PTPN13: variants seen among roughly 807,000 people sequenced by gnomAD.
The protein encoded by PTPN13 is tyrosine-protein phosphatase non-receptor type 13.
A neutral mutation model predicts 284.0 loss-of-function variants in PTPN13; 191 were observed. The observed-to-expected ratio is 0.67, with a 90% CI of 0.60 to 0.76. PTPN13 has a LOEUF of 0.76. PTPN13 is among the 30% of genes least tolerant of loss of function. The probability of loss-of-function intolerance (pLI) is 0.00; values close to 1 mark genes in which losing one functional copy is unlikely to be tolerated. For synonymous variants in PTPN13, 986 were observed against 1,022.3 expected (o/e 0.96, Z 0.68); for missense variants, 2,797 against 2,939.9 (o/e 0.95, Z 1.12).
intron 15 of PTPN13, among the ~76,000 whole-genome samples, chr4:86,739,454 C>G (rs1735908580): frequency 6.6e-6 from 1 of 152,088 alleles, no homozygotes; most frequent in African/African-American, 2.4e-5. Flanking sequence ...AGGGAAACTC[C>G]CCTCCTTAAA....
chr4:86,767,863 A>G lies in PTPN13; in HGVS notation c.4376A>G (p.Glu1459Gly). 1.9e-6 allele frequency: 3 copies of G among 1,604,020 alleles called. No individual in the cohort carries two copies. Among genetic ancestry groups the G allele is most frequent in the Non-Finnish European group, 2.6e-6 (3 of 1,174,376 alleles). Residue 1459 changes from glutamate (E) to glycine (G), a missense_variant, in exon 28 of 48, where the codon GAA becomes GGA. Transcript: ENST00000411767. ...AAGGGACAATCTCCAACATCTAAAG[A>G]ACATGTCCCGGTAACCCCACAGTGT... The part of the protein sequence containing the change: ...LEKGQSPTSK[E>G]HVPVTPQCTL...
chr4:86,790,989 CGTT>C lies in PTPN13; in HGVS notation c.6345+5055_6345+5057del, dbSNP rs538721474. Among the ~76,000 whole-genome samples, 149 of 152,132 alleles carry C rather than the reference CGTT, an allele frequency of 9.8e-4. 1 individual carries two copies. The highest frequency in any genetic ancestry group is 2.7e-3 in the East Asian group (14 of 5,168). On this transcript the variant is annotated intron_variant, in intron 40 of 47. Transcript: ENST00000411767. ...GTGCCTGGTTCATCTCAATGGGACTCGTTGGACAGTGGGTGCAGCCTACAGAGG... is the reference window on the plus strand; with the variant it reads ...GTGCCTGGTTCATCTCAATGGGACTCGGACAGTGGGTGCAGCCTACAGAGG...
At chr4:86,737,604 C>T (rs1031660895) in intron 15 of PTPN13, among the ~76,000 whole-genome samples, 1 of 151,866 alleles carries the variant, frequency 6.6e-6, no homozygotes, top group African/African-American at 2.4e-5. Context: ...TCAGTCCCCT[C>T]CCCCTACCTG....
Position 86,701,457 on chromosome 4 carries a change from A to T in PTPN13, c.851A>T (p.Lys284Ile). Residue 284 changes from lysine (K) to isoleucine (I), a missense_variant, in exon 7 of 48, where the codon AAA (lysine) becomes ATA (isoleucine). Transcript: ENST00000411767. ...CAGTTCAAAACTAGTGGCCCAGAAA[A>T]AAAACCCATCCCTGGCATTGATGTG... The part of the protein sequence containing the change: ...PYQFKTSGPE[K>I]KPIPGIDVLS... The T allele has an allele frequency of 1.2e-6, 2 of 1,613,860 alleles. No homozygotes were observed. Among genetic ancestry groups the T allele is most frequent in the Non-Finnish European group, 1.7e-6 (2 of 1,179,798 alleles).
At chr4:86,686,062 T>A (rs1729417073) in intron 3 of PTPN13, among the ~76,000 whole-genome samples, 1 of 152,120 alleles carries the variant, frequency 6.6e-6, no homozygotes, top group Non-Finnish European at 1.5e-5. Flanking sequence ...TATTGATAAG[T>A]TAAAAATGCA....
chr4:86,609,661 A>T (rs1337452011), intron 1 of PTPN13, among the ~76,000 whole-genome samples: 1 of 152,128 alleles, frequency 6.6e-6, no homozygotes, highest in Admixed American at 6.6e-5. Context: ...TTTTCCTCAG[A>T]TTACCTCATT....
intron 7 of PTPN13, among the ~76,000 whole-genome samples, chr4:86,710,304 A>C (rs1003913578): frequency 3.9e-5 from 6 of 152,294 alleles, no homozygotes; most frequent in African/African-American, 1.4e-4. Flanking sequence ...CATGTATTAA[A>C]GGTAAAGAAA....
At chr4:86,699,104 A>G (rs781001690) in intron 6 of PTPN13, among the ~76,000 whole-genome samples, 1 of 152,108 alleles carries the variant, frequency 6.6e-6, no homozygotes, top group Non-Finnish European at 1.5e-5. Context: ...AAGAGTAGAC[A>G]TAGCCTGGCA....
At chr4:86,759,167 C>G in intron 23 of PTPN13, 94 bp downstream of exon 23, 7 of 1,330,654 alleles carry the variant, frequency 5.3e-6, no homozygotes, top group Non-Finnish European at 7.1e-6. Flanking sequence ...TCATTGTGTA[C>G]AAAATTGATG....
intron 3 of PTPN13, among the ~76,000 whole-genome samples, chr4:86,678,392 A>G (rs1172067234): frequency 6.6e-6 from 1 of 152,180 alleles, no homozygotes. Context: ...TTGCATGCAT[A>G]CCAAAAAAAA....
chr4:86,779,983 C>T (rs1358366608), intron 35 of PTPN13, among the ~76,000 whole-genome samples: 1 of 151,822 alleles, frequency 6.6e-6, no homozygotes, highest in Non-Finnish European at 1.5e-5. Flanking sequence ...GACAGTGAAC[C>T]GAGTTATTAG....
At chr4:86,684,094 A>G (rs1441687637) in intron 3 of PTPN13, among the ~76,000 whole-genome samples, 1 of 150,224 alleles carries the variant, frequency 6.7e-6, no homozygotes, top group Non-Finnish European at 1.5e-5. Context: ...GGATACTAAG[A>G]TATGTTAAAA....
chr4:86,813,874 A>G (rs1745499918), intron 47 of PTPN13, among the ~76,000 whole-genome samples: 1 of 152,078 alleles, frequency 6.6e-6, no homozygotes, highest in Non-Finnish European at 1.5e-5. Context: ...CCACCAATCA[A>G]AGACAACTTC....
At chr4:86,677,034 G>A (rs761790547) in intron 3 of PTPN13, among the ~76,000 whole-genome samples, 9 of 152,036 alleles carry the variant, frequency 5.9e-5, no homozygotes, top group Non-Finnish European at 8.8e-5. Flanking sequence ...TTGGAAGGCC[G>A]AAGCGGGCAG....
intron 2 of PTPN13, among the ~76,000 whole-genome samples, chr4:86,671,155 G>A (rs1341940110): frequency 3.3e-5 from 5 of 152,172 alleles, no homozygotes; most frequent in Non-Finnish European, 4.4e-5. Flanking sequence ...ATGACTTTTA[G>A]TAGTTTACTT....
rs1565111678 is a variant in PTPN13 at position 86,598,722 on chromosome 4, A to G, written c.-6+3933A>G. On this transcript the variant is annotated intron_variant, in intron 1 of 47. Transcript: ENST00000411767. ...TTTCCTCCTAGTTTAGTAGTATTCA[A>G]CTCTGCCTGTACCTTAGAATCACCT... is the stretch of plus-strand genomic sequence containing the variant. 2.0e-5 allele frequency among the ~76,000 whole-genome samples: 3 copies of G among 151,594 alleles called. No homozygotes were observed. In the East Asian group the frequency reaches 5.8e-4, roughly 29 times the overall value.
intron 2 of PTPN13, among the ~76,000 whole-genome samples, chr4:86,653,601 A>G (rs1725359523): frequency 6.6e-6 from 1 of 152,132 alleles, no homozygotes; most frequent in Non-Finnish European, 1.5e-5. Flanking sequence ...TCATGATTCA[A>G]AAAGCAGAAA....
Position 86,722,414 on chromosome 4 carries a change from A to C in PTPN13, c.1588A>C (p.Met530Leu). The change falls in exon 10 of 48, where the codon ATG (methionine) becomes CTG (leucine). Residue 530 changes from methionine to leucine, a missense_variant. By Grantham distance (15) the Met-to-Leu change is conservative (BLOSUM62 2). Coordinates refer to ENST00000411767, the MANE Select transcript of PTPN13 (RefSeq NM_080683.3). The stretch of plus-strand genomic sequence containing the variant: ...AAGAGAAATTGCCCTAGAAACAGCC[A>C]TGACTCAAAGAAAACTGAGGGTAAG... ...PLREIALETA[M>L]TQRKLRNFFG... The C allele has an allele frequency of 6.2e-7, 1 of 1,613,098 alleles. No individual in the cohort carries two copies. Among genetic ancestry groups the C allele is most frequent in the Non-Finnish European group, 8.5e-7 (1 of 1,179,140 alleles).
At chr4:86,798,438 A>G (rs1743608033) in intron 41 of PTPN13, among the ~76,000 whole-genome samples, 1 of 152,198 alleles carries the variant, frequency 6.6e-6, no homozygotes, top group Admixed American at 6.5e-5. Flanking sequence ...ATCAGATGAA[A>G]GTACTCTGCT....
Sources: allele counts gnomAD v4.1 joint callset (sites outside exome capture counted in the v4.1 genomes callset), GRCh38; gene constraint gnomAD v4.1.1; transcripts MANE v1.5; gene names NCBI Gene and HGNC (gene_info 2026-07-23, HGNC 2026-07-21).